The following CD48 variants were observed in gnomAD, a reference collection of about 807,000 sequenced individuals.
CD48 encodes CD48 antigen.
CD48 carries 20 observed loss-of-function variants against 22.0 expected under a neutral mutation model. The observed-to-expected ratio is 0.91, with a 90% CI of 0.64 to 1.32. The LOEUF is 1.32. Ranked by LOEUF, CD48 falls within the 40% of genes most tolerant of loss-of-function variation. The pLI, the probability that CD48 is intolerant of heterozygous loss-of-function variation, is 0.00. For missense variants in CD48, 307 were observed against 286.5 expected, an observed-to-expected ratio of 1.07 and a Z score of -0.52; for synonymous variants, 110 against 110.1, an observed-to-expected ratio of 1.00 and a Z score of 0.01.
intron 1 of CD48, among the ~76,000 whole-genome samples, chr1:160,685,549 C>T (rs1661967314): frequency 6.6e-6 from 1 of 152,170 alleles, no homozygotes; most frequent in South Asian, 2.1e-4. Flanking sequence ...TCTTGTGTTT[C>T]CTGTCTATTC....
chr1:160,694,215 T>A (rs1265531927), intron 1 of CD48, among the ~76,000 whole-genome samples: 1 of 152,202 alleles, frequency 6.6e-6, no homozygotes, highest in Non-Finnish European at 1.5e-5. Flanking sequence ...CTGCCATATA[T>A]TAAGGTTGGA....
At chr1:160,706,304 C>T (rs1168697440) in intron 1 of CD48, among the ~76,000 whole-genome samples, 1 of 152,150 alleles carries the variant, frequency 6.6e-6, no homozygotes, top group Non-Finnish European at 1.5e-5. Context: ...AAACTCCTGA[C>T]CTCAGGTGAT....
At chr1:160,680,179 A>C (rs1661742981) in intron 3 of CD48, among the ~76,000 whole-genome samples, 2 of 152,210 alleles carry the variant, frequency 1.3e-5, no homozygotes, top group Admixed American at 1.3e-4. Context: ...GGTGAATGTG[A>C]GCACCTCAGG....
At chr1:160,707,414 G>T (rs1327771740) in intron 1 of CD48, among the ~76,000 whole-genome samples, 1 of 152,146 alleles carries the variant, frequency 6.6e-6, no homozygotes, top group Non-Finnish European at 1.5e-5. Context: ...TGAAGAGAAG[G>T]GAGGTGATTG....
Position 160,685,027 on chromosome 1 carries a change from T to C in CD48, c.245A>G (p.Lys82Arg). 6.2e-7 allele frequency: 1 copy of C among 1,614,200 alleles called. No homozygotes were observed. Among genetic ancestry groups the C allele is most frequent in the Non-Finnish European group, 8.5e-7 (1 of 1,180,030 alleles). ...CTGAGGATCAAGTCTGACCCTGCCTTTAAATTTGGATTCAAAGTACTTAGA... is the reference window on the plus strand; with the variant it reads ...CTGAGGATCAAGTCTGACCCTGCCTCTAAATTTGGATTCAAAGTACTTAGA... ...RKSKYFESKF[K>R]GRVRLDPQSG... Residue 82 changes from lysine (K) to arginine (R), a missense_variant, in exon 2 of 4, where the codon AAA becomes AGA. Lys to Arg is a conservative substitution (Grantham distance 26). Transcript: ENST00000368046.
chr1:160,686,026 C>G (rs117137506), intron 1 of CD48, among the ~76,000 whole-genome samples: 1 of 152,174 alleles, frequency 6.6e-6, no homozygotes, highest in Non-Finnish European at 1.5e-5. Context: ...TCCTTCCTCC[C>G]GTGTGTGGGT....
At chr1:160,698,490 A>G (rs543841605) in intron 1 of CD48, among the ~76,000 whole-genome samples, 3 of 152,194 alleles carry the variant, frequency 2.0e-5, no homozygotes, top group African/African-American at 7.2e-5. Flanking sequence ...CAGTCAGTAA[A>G]CTTTGTTAAT....
intron 1 of CD48, among the ~76,000 whole-genome samples, chr1:160,689,444 A>G (rs1662112744): frequency 6.6e-6 from 1 of 152,228 alleles, no homozygotes; most frequent in African/African-American, 2.4e-5. Context: ...GACAGAAAGT[A>G]TAAGGAGGAG....
At chr1:160,694,792 C>A (rs1466900677) in intron 1 of CD48, among the ~76,000 whole-genome samples, 1 of 152,048 alleles carries the variant, frequency 6.6e-6, no homozygotes, top group South Asian at 2.1e-4. Flanking sequence ...TAAACCCATA[C>A]CGTTAACTTG....
chr1:160,698,319 C>T (rs956269147), intron 1 of CD48, among the ~76,000 whole-genome samples: 1 of 152,122 alleles, frequency 6.6e-6, no homozygotes, highest in Non-Finnish European at 1.5e-5. Context: ...ACGGACCGAC[C>T]GTGGGAGGCC....
chr1:160,685,418 A>G (rs1400106760), intron 1 of CD48, among the ~76,000 whole-genome samples: 1 of 152,136 alleles, frequency 6.6e-6, no homozygotes, highest in Non-Finnish European at 1.5e-5. Context: ...TTAATCTAGT[A>G]CTGTCCCCAG....
At chr1:160,707,337 T>C (rs1332191300) in intron 1 of CD48, among the ~76,000 whole-genome samples, 1 of 152,160 alleles carries the variant, frequency 6.6e-6, no homozygotes, top group Non-Finnish European at 1.5e-5. Flanking sequence ...ATTTTGTTTT[T>C]GTTATTCAAG....
intron 1 of CD48, among the ~76,000 whole-genome samples, chr1:160,704,722 CT>C (rs200680535): frequency 1.3e-5 from 2 of 151,450 alleles, no homozygotes; most frequent in Non-Finnish European, 1.5e-5. Flanking sequence ...CCTGGGATTT[CT>C]TTTTTTTTAT....
intron 2 of CD48, among the ~76,000 whole-genome samples, chr1:160,682,511 G>T (rs559510350): frequency 2.5e-5 from 3 of 121,470 alleles, no homozygotes; most frequent in African/African-American, 9.2e-5. Context: ...GAAGGGAAGA[G>T]AAGAGAGGAA....
intron 1 of CD48, chr1:160,691,825 A>G (rs1662230946): frequency 2.7e-6 from 1 of 367,068 alleles, no homozygotes; most frequent in Admixed American, 4.6e-5. Flanking sequence ...GGACAAGTCG[A>G]CAAGAGATCC....
intron 3 of CD48, 51 bp from the exon 4 acceptor site, chr1:160,679,182 T>A (rs751383606): frequency 6.8e-7 from 1 of 1,463,454 alleles, no homozygotes; most frequent in Non-Finnish European, 9.6e-7. Context: ...TCTTGACTAA[T>A]GTATTGAGAA....
intron 1 of CD48, among the ~76,000 whole-genome samples, chr1:160,703,193 C>T (rs1309917835): frequency 1.3e-5 from 2 of 152,126 alleles, no homozygotes; most frequent in Non-Finnish European, 2.9e-5. Flanking sequence ...CCTCTTCTGA[C>T]CACCAGGTAT....
chr1:160,682,643 T>C (rs956269802), intron 2 of CD48, among the ~76,000 whole-genome samples: 1 of 152,080 alleles, frequency 6.6e-6, no homozygotes, highest in African/African-American at 2.4e-5. Context: ...GCAAGGTAGT[T>C]AACCCCCTTG....
At chr1:160,688,177 A>G (rs970533689) in intron 1 of CD48, among the ~76,000 whole-genome samples, 3 of 152,226 alleles carry the variant, frequency 2.0e-5, no homozygotes, top group African/African-American at 7.2e-5. Flanking sequence ...CCAATCATTA[A>G]CAAAATGAGC....
Sources: allele counts gnomAD v4.1 joint callset (sites outside exome capture counted in the v4.1 genomes callset), GRCh38; gene constraint gnomAD v4.1.1; transcripts MANE v1.5; gene names NCBI Gene and HGNC (gene_info 2026-07-23, HGNC 2026-07-21).